The following TSNARE1 variants were observed in gnomAD, a reference collection of about 807,000 sequenced individuals.
The protein encoded by TSNARE1 is t-SNARE domain-containing protein 1.
Under a neutral mutation model 62.0 loss-of-function variants are expected in TSNARE1, and 49 were observed. That is an observed-to-expected ratio of 0.79 (90% CI 0.63 to 1.00). The LOEUF is 1.00. TSNARE1 is among the 50% of genes least tolerant of loss of function. The probability of loss-of-function intolerance (pLI) is 0.00; values close to 1 mark genes in which losing one functional copy is unlikely to be tolerated. For synonymous variants in TSNARE1, 328 were observed against 294.4 expected (o/e 1.11, Z -1.17); for missense variants, 755 against 700.1 (o/e 1.08, Z -0.88).
chr8:142,398,680 T>A (rs903755120), intron 1 of TSNARE1, among the ~76,000 whole-genome samples: 4 of 152,206 alleles, frequency 2.6e-5, no homozygotes, highest in Non-Finnish European at 5.9e-5. Context: ...CCAAGACTCA[T>A]GCCAGGCATG....
intron 2 of TSNARE1, 150 bp from the exon 3 acceptor site, chr8:142,346,042 C>CT: frequency 1.2e-6 from 1 of 863,296 alleles, no homozygotes; most frequent in Non-Finnish European, 1.7e-6. Context: ...CTGCTATATC[C>CT]TCTGGATCAT....
intron 7 of TSNARE1, among the ~76,000 whole-genome samples, chr8:142,317,623 C>T (rs994857051): frequency 1.1e-4 from 17 of 152,356 alleles, no homozygotes; most frequent in African/African-American, 3.6e-4. Flanking sequence ...CAACTGGGCA[C>T]TGACCTGGTG....
chr8:142,326,797 C>T (rs1485638508), intron 6 of TSNARE1, among the ~76,000 whole-genome samples: 1 of 152,238 alleles, frequency 6.6e-6, no homozygotes, highest in Non-Finnish European at 1.5e-5. Context: ...CCGATCAGGA[C>T]ATGGGCAAAG....
intron 12 of TSNARE1, among the ~76,000 whole-genome samples, chr8:142,234,331 A>T (rs1472027276): frequency 6.7e-6 from 1 of 149,432 alleles, no homozygotes; most frequent in Non-Finnish European, 1.5e-5. Context: ...TGGCGCCATG[A>T]CCCCAACCAT....
chr8:142,274,958 C>T, intron 11 of TSNARE1, 95 bp from the exon 12 acceptor site: 2 of 1,400,162 alleles, frequency 1.4e-6, no homozygotes, highest in African/African-American at 1.5e-5. Context: ...GGAGCCTGAG[C>T]CCAGGGCCTG....
chr8:142,270,188 G>T lies in TSNARE1; in HGVS notation c.1446+4593C>A, dbSNP rs370853819. ...GGGGGGCTGCAGACTGTGCCCTGCC[G>T]CGCAGGGACTGGAGATGTGGCAGCC... On this transcript the variant is annotated intron_variant, in intron 12 of 13. Coordinates refer to ENST00000524325, the MANE Select transcript of TSNARE1 (RefSeq NM_145003.5). The T allele has an allele frequency of 2.8e-5, 28 of 985,340 alleles. No homozygotes were observed. The East Asian group carries it at 1.7e-3, about 60-fold the overall frequency. 61.0% of individuals were successfully genotyped at this position (985,340 alleles called of 1,614,324 possible).
chr8:142,354,646 G>C lies in TSNARE1; in HGVS notation c.79C>G (p.Gln27Glu). ...PFGGPSRQGC[Q>E]PLECARCWTE... is the part of the protein sequence containing the mutation. ...CAGCTACTATCATTACCTAGGGGCT[G>C]ACAGCCTTGTCTCGAAGGTCCCCCG... Residue 27 changes from glutamine (Q) to glutamate (E), a missense_variant, in exon 2 of 14, where the codon CAG (glutamine) becomes GAG (glutamate). By Grantham distance (29) the Gln-to-Glu change is conservative (BLOSUM62 2). Transcript: ENST00000524325. 2 of 1,612,386 alleles carry C rather than the reference G, an allele frequency of 1.2e-6. No homozygotes were observed. The highest frequency in any genetic ancestry group is 1.7e-6 in the Non-Finnish European group (2 of 1,179,182).
chr8:142,280,041 G>A, intron 11 of TSNARE1: 2 of 1,232,966 alleles, frequency 1.6e-6, no homozygotes, highest in Non-Finnish European at 2.1e-6. Context: ...GGTCGCGGCG[G>A]CAGTAGCCCA....
chr8:142,330,675 G>C (rs1415977078), intron 6 of TSNARE1, among the ~76,000 whole-genome samples: 1 of 152,238 alleles, frequency 6.6e-6, no homozygotes, highest in Non-Finnish European at 1.5e-5. Context: ...GCACCTGTGT[G>C]CCCTGTGGAG....
intron 11 of TSNARE1, among the ~76,000 whole-genome samples, chr8:142,282,057 G>A (rs1048753199): frequency 1.3e-5 from 2 of 152,230 alleles, no homozygotes; most frequent in Admixed American, 1.3e-4. Context: ...CACCCCTGCT[G>A]CTTCACTTCC....
chr8:142,268,539 C>T (rs192962437), intron 12 of TSNARE1, among the ~76,000 whole-genome samples: 118 of 152,350 alleles, frequency 7.7e-4, no homozygotes, highest in African/African-American at 2.6e-3. Flanking sequence ...GCTCTGTCAA[C>T]GCCCCAGCTT....
chr8:142,355,462 C>A (rs138813476), intron 1 of TSNARE1, among the ~76,000 whole-genome samples: 1 of 152,328 alleles, frequency 6.6e-6, no homozygotes, highest in Non-Finnish European at 1.5e-5. Context: ...GGAGTGGCGC[C>A]ACCCTTGGGG....
chr8:142,256,311 CATCACCACCATCACCAT>C (rs1818553291), intron 12 of TSNARE1, among the ~76,000 whole-genome samples: 2 of 107,512 alleles, frequency 1.9e-5, no homozygotes, highest in African/African-American at 3.5e-5. Context: ...CCACCACCAT[CATCACCACCATCACCAT>C]CTTTGCCACC....
chr8:142,270,503 TTTATG>T (rs1819433461), intron 12 of TSNARE1: 1 of 907,902 alleles, frequency 1.1e-6, no homozygotes, highest in African/African-American at 2.3e-5. Flanking sequence ...TATATATATA[TTTATG>T]TATTTATAAC....
intron 1 of TSNARE1, among the ~76,000 whole-genome samples, chr8:142,377,822 G>A (rs934976385): frequency 6.6e-6 from 1 of 152,200 alleles, no homozygotes; most frequent in Non-Finnish European, 1.5e-5. Flanking sequence ...CAAAAATCAA[G>A]TAGCTGGAAA....
intron 13 of TSNARE1, among the ~76,000 whole-genome samples, chr8:142,222,506 A>G (rs1816382066): frequency 9.9e-6 from 1 of 100,536 alleles, no homozygotes. Flanking sequence ...TCACTCATCC[A>G]CTCACTCACT....
chr8:142,389,737 T>A (rs1054436309), intron 1 of TSNARE1, among the ~76,000 whole-genome samples: 1 of 152,258 alleles, frequency 6.6e-6, no homozygotes, highest in Non-Finnish European at 1.5e-5. Context: ...TGCAGGAATG[T>A]GTCATATCAT....
intron 12 of TSNARE1, chr8:142,269,558 G>T: frequency 4.1e-6 from 4 of 983,336 alleles, no homozygotes; most frequent in Non-Finnish European, 4.8e-6. Context: ...CGAACTCCTG[G>T]CCTCAAGTGA....
chr8:142,266,524 T>A lies in TSNARE1; in HGVS notation c.1446+8257A>T, dbSNP rs148091682. Reference sequence around the variant, plus strand: ...GAATTCTAAGTTGACAGCGACTTTCTCTCAATACTTTGTAGATACTACCAT... The same window carrying A: ...GAATTCTAAGTTGACAGCGACTTTCACTCAATACTTTGTAGATACTACCAT... On this transcript the variant is annotated intron_variant, in intron 12 of 13. Transcript: ENST00000524325. 6.8e-3 allele frequency among the ~76,000 whole-genome samples: 1,043 copies of A among 152,352 alleles called. 31 individuals are homozygous for A. The highest frequency in any genetic ancestry group is 0.045 in the Admixed American group (695 of 15,302).
Sources: allele counts gnomAD v4.1 joint callset (sites outside exome capture counted in the v4.1 genomes callset), GRCh38; gene constraint gnomAD v4.1.1; transcripts MANE v1.5; gene names NCBI Gene and HGNC (gene_info 2026-07-23, HGNC 2026-07-21).